KCNQ3: variants seen among roughly 807,000 people sequenced by gnomAD.
KCNQ3 encodes potassium voltage-gated channel subfamily KQT member 3.
KCNQ3 carries 30 observed loss-of-function variants against 92.5 expected under a neutral mutation model. The ratio of observed to expected loss-of-function variants is 0.32; its 90% confidence interval spans 0.24 to 0.44. The LOEUF is 0.44. Ranked by LOEUF, KCNQ3 falls within the 20% of genes least tolerant of loss-of-function variation. The pLI, the probability that KCNQ3 is intolerant of heterozygous loss-of-function variation, is 1.00. For synonymous variants in KCNQ3, 450 were observed against 468.8 expected (o/e 0.96, Z 0.52); for missense variants, 913 against 1,140.3 (o/e 0.80, Z 2.87).
chr8:132,182,150 TG>T, intron 3 of KCNQ3, among the ~76,000 whole-genome samples: 1 of 152,150 alleles, frequency 6.6e-6, no homozygotes, highest in Admixed American at 6.5e-5. Flanking sequence ...TGGAAAAACC[TG>T]GGGGTCAAAC....
chr8:132,437,070 G>C (rs2597325), intron 1 of KCNQ3, among the ~76,000 whole-genome samples: 1 of 151,368 alleles, frequency 6.6e-6, no homozygotes, highest in South Asian at 2.1e-4. Context: ...ACGAGGTCAG[G>C]AGATCGAGAC....
intron 14 of KCNQ3, among the ~76,000 whole-genome samples, chr8:132,130,532 G>A (rs886982851): frequency 5.9e-5 from 9 of 152,188 alleles, no homozygotes; most frequent in Non-Finnish European, 1.3e-4. Flanking sequence ...ACCTAGGCAA[G>A]GTCTTCTAGG....
intron 1 of KCNQ3, among the ~76,000 whole-genome samples, chr8:132,428,225 C>T (rs1233945979): frequency 6.6e-6 from 1 of 152,106 alleles, no homozygotes; most frequent in African/African-American, 2.4e-5. Context: ...CATTCTCCTA[C>T]CACCCCCTCC....
chr8:132,262,004 A>G (rs889498208), intron 1 of KCNQ3, among the ~76,000 whole-genome samples: 1 of 152,238 alleles, frequency 6.6e-6, no homozygotes, highest in Admixed American at 6.5e-5. Flanking sequence ...GTATGTCCAT[A>G]TGATGAATTC....
intron 1 of KCNQ3, among the ~76,000 whole-genome samples, chr8:132,247,382 A>AAGTCCTGATTGAATC: frequency 6.6e-6 from 1 of 152,334 alleles, no homozygotes; most frequent in Admixed American, 6.5e-5. Flanking sequence ...GATGAAGTCC[A>AAGTCCTGATTGAATC]AGTCCTGATT....
intron 1 of KCNQ3, among the ~76,000 whole-genome samples, chr8:132,360,772 C>T (rs1019529957): frequency 6.6e-6 from 1 of 152,226 alleles, no homozygotes; most frequent in Non-Finnish European, 1.5e-5. Flanking sequence ...TTGGTTTTCT[C>T]CTTTCCTGTC....
At chr8:132,175,293 G>A (rs535026979) in intron 5 of KCNQ3, among the ~76,000 whole-genome samples, 160 bp downstream of exon 5, 1 of 152,368 alleles carries the variant, frequency 6.6e-6, no homozygotes, top group African/African-American at 2.4e-5. Flanking sequence ...CCTTGAAGGA[G>A]GGTCTTCTGT....
intron 1 of KCNQ3, among the ~76,000 whole-genome samples, chr8:132,229,772 A>AAGGCATGTT (rs1814570889): frequency 6.6e-6 from 1 of 152,100 alleles, no homozygotes; most frequent in East Asian, 1.9e-4. Flanking sequence ...CAATAAATAC[A>AAGGCATGTT]CTAAGCAAGG....
Position 132,480,665 on chromosome 8 carries a change from T to TCCCCC in KCNQ3, c.-134_-133insGGGGG, listed in dbSNP as rs886062695. On this transcript the variant is annotated 5_prime_UTR_variant, in exon 1 of 15. Coordinates refer to ENST00000388996, the MANE Select transcript of KCNQ3 (RefSeq NM_004519.4). ...TCCAATGCCATGATCCGCGCGCCCC[T>TCCCCC]CCCCACCCCCCCCCAAAAGCAGGCA... is the stretch of plus-strand genomic sequence containing the variant. 1.3e-6 allele frequency: 1 copy of TCCCCC among 743,432 alleles called. No individual in the cohort carries two copies. Among genetic ancestry groups the TCCCCC allele is most frequent in the African/African-American group, 2.5e-5 (1 of 39,840 alleles). The allele number at this position is 743,432 out of a possible 1,614,324, so 46.1% of individuals were successfully genotyped here. A position where few individuals can be genotyped will look rare whatever the true frequency, so the allele number is the denominator to read the frequency against.
intron 2 of KCNQ3, among the ~76,000 whole-genome samples, chr8:132,185,629 A>T (rs1009135644): frequency 1.3e-5 from 2 of 152,210 alleles, no homozygotes; most frequent in Admixed American, 1.3e-4. Context: ...GTGAAAACAA[A>T]TGCAGGCCCC....
intron 1 of KCNQ3, among the ~76,000 whole-genome samples, chr8:132,258,643 A>C (rs7007269): frequency 0.45 from 67,873 of 151,880 alleles, 17,278 homozygotes; most frequent in East Asian, 0.72. Flanking sequence ...CAGAAGAAGG[A>C]AAATAATGAC....
At chr8:132,264,655 G>A (rs16904640) in intron 1 of KCNQ3, among the ~76,000 whole-genome samples, 2 of 152,312 alleles carry the variant, frequency 1.3e-5, no homozygotes, top group South Asian at 2.1e-4. Flanking sequence ...AGGTCTGGGC[G>A]AAGAGCATTT....
intron 3 of KCNQ3, among the ~76,000 whole-genome samples, chr8:132,183,471 C>T (rs1420807250): frequency 6.6e-6 from 1 of 152,104 alleles, no homozygotes; most frequent in South Asian, 2.1e-4. Context: ...CTTTGGAGGT[C>T]CTTCCAGCCC....
chr8:132,467,861 T>G (rs1283678824), intron 1 of KCNQ3, among the ~76,000 whole-genome samples: 9 of 152,352 alleles, frequency 5.9e-5, no homozygotes, highest in Non-Finnish European at 1.3e-4. Context: ...GATGGCACAC[T>G]GCTGTTGGAG....
chr8:132,327,366 A>T (rs1818090866), intron 1 of KCNQ3, among the ~76,000 whole-genome samples: 1 of 152,178 alleles, frequency 6.6e-6, no homozygotes, highest in African/African-American at 2.4e-5. Flanking sequence ...TGCTATCATT[A>T]TCCCTACTGT....
chr8:132,457,053 C>T (rs1433666223), intron 1 of KCNQ3, among the ~76,000 whole-genome samples: 24 of 152,146 alleles, frequency 1.6e-4, no homozygotes, highest in Admixed American at 1.3e-3. Flanking sequence ...GAGCCTTAGG[C>T]AGTCACGGCC....
At chr8:132,423,053 C>T (rs1264783120) in intron 1 of KCNQ3, among the ~76,000 whole-genome samples, 2 of 152,164 alleles carry the variant, frequency 1.3e-5, no homozygotes, top group African/African-American at 4.8e-5. Context: ...GCTAAAATGC[C>T]AATCCCCTCT....
At chr8:132,406,812 G>T (rs1820496056) in intron 1 of KCNQ3, among the ~76,000 whole-genome samples, 1 of 152,154 alleles carries the variant, frequency 6.6e-6, no homozygotes, top group Non-Finnish European at 1.5e-5. Flanking sequence ...CCTGTTTTAG[G>T]TATTAGGCCA....
At chr8:132,455,536 T>A (rs1046850103) in intron 1 of KCNQ3, among the ~76,000 whole-genome samples, 3 of 152,248 alleles carry the variant, frequency 2.0e-5, no homozygotes, top group African/African-American at 7.2e-5. Context: ...TTAGATTTAT[T>A]CGTTTCTTCA....
Sources: gnomAD v4.1 joint callset for allele counts (sites outside exome capture counted in the v4.1 genomes callset) on GRCh38, gnomAD v4.1.1 for gene constraint, MANE v1.5 for transcripts, NCBI Gene and HGNC (gene_info 2026-07-23, HGNC 2026-07-21) for gene names.